TBR1: variants seen among roughly 807,000 people sequenced by gnomAD.
TBR1 encodes the protein T-box brain transcription factor 1.
TBR1 carries 7 observed loss-of-function variants against 60.3 expected under a neutral mutation model. That is an observed-to-expected ratio of 0.12 (90% confidence interval 0.07 to 0.22). The LOEUF is 0.22. Among genes scored for constraint, TBR1 ranks in the 10% least tolerant of loss-of-function variants. TBR1 has a pLI of 1.00. For missense variants in TBR1, 616 were observed against 936.8 expected, an observed-to-expected ratio of 0.66 and a Z score of 4.47; for synonymous variants, 417 against 409.9, an observed-to-expected ratio of 1.02 and a Z score of -0.21.
At position 161,424,293 on chromosome 2, in the gene TBR1, C is replaced by G. The variant is rs757490749; in HGVS notation, c.*66C>G. 7 of 1,457,936 alleles carry G rather than the reference C, an allele frequency of 4.8e-6. No individual in the cohort carries two copies. The African/African-American group carries it at 8.4e-5, about 18-fold the overall frequency. The allele number at this position is 1,457,936 out of a possible 1,614,324, so 90.3% of individuals were successfully genotyped here. The stretch of plus-strand genomic sequence containing the variant: ...CAGCCAGCCCCTCACAGCTCTTCCC[C>G]AGCTCCGCCTCCCCACACTCCTCCT... On this transcript the variant is annotated 3_prime_UTR_variant, in exon 6 of 6. Transcript: ENST00000389554. This position sits in a 1 kb window ranked among gnomAD's most constrained non-coding sequence, Gnocchi z 4.4.
Position 161,419,288 on chromosome 2 carries a change from T to G in TBR1, c.1128+238T>G, listed in dbSNP as rs1335428317. On this transcript the variant is annotated intron_variant, in intron 4 of 5. Transcript: ENST00000389554. ...CGTCGCTGGTCACCCGGGCCACCTT[T>G]GAGGTGGCCAGGATTTCTAAAGACT... 4 of 513,528 alleles carry G rather than the reference T, an allele frequency of 7.8e-6. No individual in the cohort carries two copies. The East Asian group carries it at 1.5e-4, about 19-fold the overall frequency. 31.8% of individuals were successfully genotyped at this position (513,528 alleles called of 1,614,324 possible).
chr2:161,419,083 G>C (rs1432374401), intron 4 of TBR1, 33 bp downstream of exon 4: 1 of 1,613,274 alleles, frequency 6.2e-7, no homozygotes, highest in Non-Finnish European at 8.5e-7. Context: ...GGCGAGGCGG[G>C]CGGCACAGAC....
rs1465431873 is a variant in TBR1 at position 161,425,199 on chromosome 2, TC to T, written c.*976del. On this transcript the variant is annotated 3_prime_UTR_variant, in exon 6 of 6. Coordinates refer to ENST00000389554, the MANE Select transcript of TBR1 (RefSeq NM_006593.4). ...AATATTATTTTGCCTTATTTGTTTT[TC>T]CCCAAAGTGCCAAATCCATTACTGG... 6.6e-6 allele frequency: 1 copy of T among 152,214 alleles called. No homozygotes were observed. Among genetic ancestry groups the T allele is most frequent in the Non-Finnish European group, 1.5e-5 (1 of 68,042 alleles). 9.4% of individuals were successfully genotyped at this position (152,214 alleles called of 1,614,324 possible).
intron 5 of TBR1, chr2:161,421,107 G>C (rs761405323): frequency 3.3e-5 from 5 of 152,274 alleles, no homozygotes; most frequent in Non-Finnish European, 7.3e-5. Context: ...TAAGAGTTCA[G>C]ATAGTGTCAT....
chr2:161,421,277 C>T (rs952319351), intron 5 of TBR1: 6 of 152,228 alleles, frequency 3.9e-5, no homozygotes, highest in Non-Finnish European at 7.3e-5. Flanking sequence ...GAGAAAGAGA[C>T]AAGTGACTGC....
rs1684129792 is a variant in TBR1, at chr2:161,416,788, C to T, written c.378C>T (p.Tyr126=). 4 of 1,614,158 alleles carry T rather than the reference C, an allele frequency of 2.5e-6. No homozygotes were observed. The highest frequency in any genetic ancestry group is 1.1e-5 in the South Asian group (1 of 91,080). Residue 126 remains tyrosine, a synonymous_variant, in exon 1 of 6, where the codon TAC becomes TAT. Transcript: ENST00000389554. This position sits in a 1 kb window ranked among gnomAD's most constrained non-coding sequence, Gnocchi z 6.1. ...AATAPSAMFP[Y]PGQHGPAHPA... is the part of the protein sequence containing the mutation. The stretch of plus-strand genomic sequence containing the variant: ...CTGCTCCCAGTGCCATGTTCCCGTA[C>T]CCCGGCCAGCACGGACCGGCGCACC...
At chr2:161,421,907 T>G in intron 5 of TBR1, 1 of 149,730 alleles carries the variant, frequency 6.7e-6, no homozygotes, top group Non-Finnish European at 1.5e-5. Context: ...TTAAATCACT[T>G]TAAATCTTTC....
In TBR1 at chr2:161,417,328, A is replaced by C; in HGVS notation, c.692+226A>C. The C allele has an allele frequency of 1.7e-6, 1 of 588,806 alleles. No homozygotes were observed. The highest frequency in any genetic ancestry group is 2.9e-6 in the Non-Finnish European group (1 of 342,162). 36.5% of individuals were successfully genotyped at this position (588,806 alleles called of 1,614,324 possible). Reference sequence around the variant, plus strand: ...ATAGTGGGAGAGCCAGTCAGTGGCCAGAGGAAGGCAAGAAAAAGGAAGAGC... The same window carrying C: ...ATAGTGGGAGAGCCAGTCAGTGGCCCGAGGAAGGCAAGAAAAAGGAAGAGC... On this transcript the variant is annotated intron_variant, in intron 1 of 5. Coordinates refer to ENST00000389554, the MANE Select transcript of TBR1 (RefSeq NM_006593.4). This position sits in a 1 kb window ranked among gnomAD's most constrained non-coding sequence, Gnocchi z 5.3.
At chr2:161,420,426 T>C in intron 5 of TBR1, 169 bp downstream of exon 5, 1 of 257,084 alleles carries the variant, frequency 3.9e-6, no homozygotes. Flanking sequence ...TTCTTTTTTT[T>C]TTTTTTTTTT....
intron 5 of TBR1, 70 bp from the exon 6 acceptor site, chr2:161,423,298 GC>G: frequency 9.1e-7 from 1 of 1,095,548 alleles, no homozygotes; most frequent in Non-Finnish European, 1.2e-6. Context: ...CTTCCCTTCT[GC>G]CCCCACCCCC....
chr2:161,417,290 C>T lies in TBR1; in HGVS notation c.692+188C>T. On this transcript the variant is annotated intron_variant, in intron 1 of 5. Transcript: ENST00000389554. This position sits in a 1 kb window ranked among gnomAD's most constrained non-coding sequence, Gnocchi z 5.3. ...CAGGGTGATGTTGGTGGGGGGGACC[C>T]CGTTCTAGGAACATAGTGGGAGAGC... is the stretch of plus-strand genomic sequence containing the variant. 1.6e-6 allele frequency: 1 copy of T among 643,110 alleles called. No individual in the cohort carries two copies. Among genetic ancestry groups the T allele is most frequent in the South Asian group, 2.1e-5 (1 of 47,960 alleles). 39.8% of individuals were successfully genotyped at this position (643,110 alleles called of 1,614,324 possible).
rs1212989064 is a variant in TBR1, at chr2:161,417,814, G to A, written c.831G>A (p.Ala277=). The A allele has an allele frequency of 2.5e-6, 4 of 1,613,962 alleles. No individual in the cohort carries two copies. The highest frequency in any genetic ancestry group is 1.7e-5 in the Admixed American group (1 of 59,970). Residue 277 remains alanine, a synonymous_variant, in exon 2 of 6, where the codon GCG becomes GCA. Coordinates refer to ENST00000389554, the MANE Select transcript of TBR1 (RefSeq NM_006593.4). The surrounding 1 kb of genome is among the most constrained non-coding windows in gnomAD (Gnocchi z 5.3). The part of the protein sequence containing the change: ...QGGKWVPCGK[A]DTNVQGNRVY... ...GCAAATGGGTTCCTTGCGGCAAAGC[G>A]GACACCAATGTGCAAGGCAAGTCCT...
rs778201579 is a variant in TBR1 at position 161,416,786 on chromosome 2, T to C, written c.376T>C (p.Tyr126His). The C allele has an allele frequency of 6.2e-7, 1 of 1,614,120 alleles. No individual in the cohort carries two copies. The highest frequency in any genetic ancestry group is 1.1e-5 in the South Asian group (1 of 91,082). The change falls in exon 1 of 6, where the codon TAC becomes CAC. Residue 126 changes from tyrosine (Y) to histidine (H), a missense_variant. Physicochemically the swap from Tyr to His is moderately conservative, Grantham distance 83. Around this residue, in one of 8 missense-constraint regions of TBR1, gnomAD observed 211 missense variants for 268.7 expected, o/e 0.79. Coordinates refer to ENST00000389554, the MANE Select transcript of TBR1 (RefSeq NM_006593.4). The surrounding 1 kb of genome is among the most constrained non-coding windows in gnomAD (Gnocchi z 6.1). ...AATAPSAMFP[Y>H]PGQHGPAHPA... The stretch of plus-strand genomic sequence containing the variant: ...CACTGCTCCCAGTGCCATGTTCCCG[T>C]ACCCCGGCCAGCACGGACCGGCGCA...
rs1013108678 is a variant in TBR1 at position 161,417,425 on chromosome 2, G to A, written c.693-251G>A. ...GCACGGACAGGTGGAGACGCAGGTCGCCAACCTCGCTCTCCACCTGGGCAG... is the reference window on the plus strand; with the variant it reads ...GCACGGACAGGTGGAGACGCAGGTCACCAACCTCGCTCTCCACCTGGGCAG... On this transcript the variant is annotated intron_variant, in intron 1 of 5. Transcript: ENST00000389554. This position sits in a 1 kb window ranked among gnomAD's most constrained non-coding sequence, Gnocchi z 5.3. The A allele has an allele frequency of 1.7e-6, 1 of 573,602 alleles. No homozygotes were observed. The allele number at this position is 573,602 out of a possible 1,614,324, so 35.5% of individuals were successfully genotyped here. A position where few individuals can be genotyped will look rare whatever the true frequency, so the allele number is the denominator to read the frequency against.
chr2:161,420,061 T>C (rs939464578), intron 4 of TBR1, 135 bp from the exon 5 acceptor site: 26 of 550,020 alleles, frequency 4.7e-5, no homozygotes, highest in Non-Finnish European at 7.4e-5. Flanking sequence ...CCCTCAAATT[T>C]TTCAGTTAGG....
chr2:161,416,304 G>A lies in TBR1; in HGVS notation c.-107G>A. The stretch of plus-strand genomic sequence containing the variant: ...ATCAAACCTTTGAGAAGCATTTGCT[G>A]GTTGAAGTGCTTTCTGTCTAGTGAG... On this transcript the variant is annotated 5_prime_UTR_variant, in exon 1 of 6. Transcript: ENST00000389554. This position sits in a 1 kb window ranked among gnomAD's most constrained non-coding sequence, Gnocchi z 6.1. 2.2e-6 allele frequency: 2 copies of A among 913,986 alleles called. No individual in the cohort carries two copies. The highest frequency in any genetic ancestry group is 3.3e-6 in the Non-Finnish European group (2 of 601,890). The allele number at this position is 913,986 out of a possible 1,614,324, so 56.6% of individuals were successfully genotyped here.
rs749586229 is a variant in TBR1, at chr2:161,418,887, G to C, written c.970-5G>C. On this transcript the variant is annotated splice_polypyrimidine_tract_variant and splice_region_variant and intron_variant, in intron 3 of 5. Transcript: ENST00000389554. ...CCGGCGCTCCCCTTTCTTCCCGCCG[G>C]ACAGATGGTGGTTTTACAGTCCTTG... is the stretch of plus-strand genomic sequence containing the variant. The C allele has an allele frequency of 1.2e-6, 2 of 1,608,114 alleles. No individual in the cohort carries two copies. Among genetic ancestry groups the C allele is most frequent in the Non-Finnish European group, 1.7e-6 (2 of 1,177,012 alleles).
At chr2:161,418,772 T>G in intron 3 of TBR1, 120 bp from the exon 4 acceptor site, 1 of 1,379,332 alleles carries the variant, frequency 7.2e-7, no homozygotes, top group Non-Finnish European at 9.7e-7. Flanking sequence ...TCAGTTAGCC[T>G]GGAAGGCGGG....
chr2:161,420,622 G>A (rs1177217692), intron 5 of TBR1: 6 of 168,310 alleles, frequency 3.6e-5, no homozygotes, highest in Non-Finnish European at 7.6e-5. Context: ...TGTATGTGGC[G>A]CTGCAGATGC....
Sources: allele counts gnomAD v4.1 joint callset, GRCh38; gene constraint gnomAD v4.1.1; regional missense constraint gnomAD v4.1.1; non-coding constraint Gnocchi (gnomAD v3.1); transcripts MANE v1.5; gene names NCBI Gene and HGNC (gene_info 2026-07-23, HGNC 2026-07-21).